Variants in CDK17 observed in about 807,000 individuals in gnomAD.
CDK17 encodes cyclin-dependent kinase 17.
CDK17 carries 24 observed loss-of-function variants against 77.6 expected under a neutral mutation model. The observed-to-expected ratio is 0.31, with a 90% CI of 0.22 to 0.44. The LOEUF is 0.44. CDK17 is among the 20% of genes least tolerant of loss of function. The probability of loss-of-function intolerance (pLI) is 1.00; values close to 1 mark genes in which losing one functional copy is unlikely to be tolerated. For missense variants in CDK17, 429 were observed against 622.5 expected, an observed-to-expected ratio of 0.69 and a Z score of 3.31; for synonymous variants, 203 against 210.4, an observed-to-expected ratio of 0.96 and a Z score of 0.30.
intron 1 of CDK17, among the ~76,000 whole-genome samples, chr12:96,341,300 T>C (rs1953117805): frequency 7.0e-6 from 1 of 142,026 alleles, no homozygotes; most frequent in Admixed American, 7.4e-5. Context: ...TTTTTACTCA[T>C]AGCACTTATC....
At chr12:96,299,027 A>ATG in intron 6 of CDK17, 44 bp from the exon 7 acceptor site, 1 of 940,314 alleles carries the variant, frequency 1.1e-6, no homozygotes, top group Non-Finnish European at 1.7e-6. Context: ...GTATCATAAG[A>ATG]GTCTATTTAA....
At chr12:96,297,923 A>C (rs1161172545) in intron 7 of CDK17, among the ~76,000 whole-genome samples, 3 of 150,636 alleles carry the variant, frequency 2.0e-5, no homozygotes, top group African/African-American at 7.3e-5. Context: ...CTGGGCAACA[A>C]TGCTATTTAA....
chr12:96,291,172 C>G (rs1475673384), intron 10 of CDK17, among the ~76,000 whole-genome samples: 2 of 149,886 alleles, frequency 1.3e-5, no homozygotes, highest in Non-Finnish European at 3.0e-5. Context: ...AATATACTAT[C>G]TCATGGAATA....
chr12:96,353,271 C>T (rs1953339863), intron 1 of CDK17, among the ~76,000 whole-genome samples: 1 of 152,184 alleles, frequency 6.6e-6, no homozygotes. Context: ...TCAACTATTT[C>T]ATGGAGATCC....
At chr12:96,387,944 A>C (rs1954003192) in intron 1 of CDK17, among the ~76,000 whole-genome samples, 1 of 151,094 alleles carries the variant, frequency 6.6e-6, no homozygotes, top group South Asian at 2.1e-4. Flanking sequence ...CCTTTTCTCT[A>C]AAAAAAAATA....
chr12:96,330,088 C>T (rs1952946503), intron 2 of CDK17, among the ~76,000 whole-genome samples: 1 of 152,128 alleles, frequency 6.6e-6, no homozygotes, highest in Non-Finnish European at 1.5e-5. Context: ...CATAATTTTA[C>T]CTTTCTACAA....
At chr12:96,360,482 G>C (rs538794288) in intron 1 of CDK17, among the ~76,000 whole-genome samples, 2 of 152,288 alleles carry the variant, frequency 1.3e-5, no homozygotes, top group South Asian at 4.1e-4. Flanking sequence ...TTGATACCAG[G>C]TTAAGATTTG....
chr12:96,283,581 ATTACTG>A lies in CDK17; in HGVS notation c.1365+16_1365+21del, dbSNP rs757044487. The A allele has an allele frequency of 2.0e-6, 3 of 1,495,322 alleles. No individual in the cohort carries two copies. The highest frequency in any genetic ancestry group is 2.8e-6 in the Non-Finnish European group (3 of 1,074,624). The allele number at this position is 1,495,322 out of a possible 1,614,324, so 92.6% of individuals were successfully genotyped here. On this transcript the variant is annotated intron_variant, in intron 14 of 16. Coordinates refer to ENST00000261211, the MANE Select transcript of CDK17 (RefSeq NM_002595.5). The stretch of plus-strand genomic sequence containing the variant: ...CTGAGGCTTAACAACCTATTTAACA[ATTACTG>A]TAAGAACTGACTTACCTGAAGAAAT...
chr12:96,383,422 T>C (rs1393714431), intron 1 of CDK17, among the ~76,000 whole-genome samples: 1 of 135,082 alleles, frequency 7.4e-6, no homozygotes, highest in African/African-American at 2.7e-5. Context: ...AAAAAAACTC[T>C]TCTAAGATTC....
intron 1 of CDK17, among the ~76,000 whole-genome samples, chr12:96,371,116 G>GCC (rs1196525351): frequency 1.2e-4 from 17 of 137,114 alleles, no homozygotes; most frequent in African/African-American, 4.7e-4. Context: ...GTCCCTCCCT[G>GCC]CCCCCACTGC....
chr12:96,282,307 T>TGAC, intron 15 of CDK17: 1 of 488,002 alleles, frequency 2.0e-6, no homozygotes, highest in Non-Finnish European at 3.7e-6. Flanking sequence ...TACAGAGGAG[T>TGAC]GACAATGTGC....
intron 9 of CDK17, 51 bp from the exon 10 acceptor site, chr12:96,295,173 G>A: frequency 7.0e-7 from 1 of 1,425,612 alleles, no homozygotes; most frequent in African/African-American, 1.4e-5. Context: ...ACATGCTTTA[G>A]TATAAGCATA....
At chr12:96,369,752 C>T (rs543578654) in intron 1 of CDK17, among the ~76,000 whole-genome samples, 2 of 152,140 alleles carry the variant, frequency 1.3e-5, no homozygotes, top group East Asian at 1.9e-4. Context: ...GGGCTCCAGC[C>T]TGGGCGAGAC....
At chr12:96,373,600 G>A (rs1372629750) in intron 1 of CDK17, among the ~76,000 whole-genome samples, 1 of 151,448 alleles carries the variant, frequency 6.6e-6, no homozygotes, top group Non-Finnish European at 1.5e-5. Context: ...CATCTCAGAA[G>A]AAAAGAGAGA....
At chr12:96,375,588 C>T (rs1840463205) in intron 1 of CDK17, among the ~76,000 whole-genome samples, 1 of 146,494 alleles carries the variant, frequency 6.8e-6, no homozygotes, top group Non-Finnish European at 1.5e-5. Context: ...GATCTCAGCT[C>T]ACTGCAACCT....
At chr12:96,387,654 A>G (rs1953996562) in intron 1 of CDK17, among the ~76,000 whole-genome samples, 2 of 152,190 alleles carry the variant, frequency 1.3e-5, no homozygotes, top group South Asian at 4.1e-4. Flanking sequence ...TTTCAGAAAA[A>G]CGTGAGGCAG....
intron 5 of CDK17, among the ~76,000 whole-genome samples, chr12:96,300,859 A>G (rs1285697444): frequency 6.6e-6 from 1 of 152,212 alleles, no homozygotes; most frequent in African/African-American, 2.4e-5. Flanking sequence ...AGGTTCAAAA[A>G]TATCAAAGTT....
intron 10 of CDK17, 56 bp from the exon 11 acceptor site, chr12:96,289,343 A>T: frequency 6.3e-7 from 1 of 1,598,424 alleles, no homozygotes; most frequent in Admixed American, 1.7e-5. Context: ...GATCTCTCAG[A>T]CCCTATTCTC....
rs182358422 is a variant in CDK17, at chr12:96,395,138, T to C, written c.-30+4848A>G. Reference sequence around the variant, plus strand: ...ATCTGCCCGGCTCAGCCTCTCAAAGTGCTGGGATTACAGGCGTGAGCCACC... The same window carrying C: ...ATCTGCCCGGCTCAGCCTCTCAAAGCGCTGGGATTACAGGCGTGAGCCACC... On this transcript the variant is annotated intron_variant, in intron 1 of 16. Transcript: ENST00000261211. Among the ~76,000 whole-genome samples the C allele has an allele frequency of 5.6e-4, 86 of 152,320 alleles. 2 individuals carry two copies. The East Asian group carries it at 0.016, about 28-fold the overall frequency.
Sources: allele counts gnomAD v4.1 joint callset (sites outside exome capture counted in the v4.1 genomes callset), GRCh38; gene constraint gnomAD v4.1.1; transcripts MANE v1.5; gene names NCBI Gene and HGNC (gene_info 2026-07-23, HGNC 2026-07-21).